The following EFCAB11 variants were observed in gnomAD, a reference collection of about 807,000 sequenced individuals.
EFCAB11 encodes the protein EF-hand calcium binding domain 11.
In EFCAB11, 14 loss-of-function variants were observed where a neutral mutation model predicts 23.0. The observed-to-expected ratio is 0.61, with a 90% CI of 0.40 to 0.95. The LOEUF (loss-of-function observed/expected upper bound fraction) is 0.95, where lower values mean the gene tolerates loss of function less well. Among genes scored for constraint, EFCAB11 ranks in the 40% least tolerant of loss-of-function variants. The pLI is 0.00. For synonymous variants in EFCAB11, 65 were observed against 66.6 expected (o/e 0.98, Z 0.11); for missense variants, 198 against 195.8 (o/e 1.01, Z -0.07).
chr14:89,845,047 CTG>C (rs1887388973), intron 5 of EFCAB11, among the ~76,000 whole-genome samples: 2 of 152,148 alleles, frequency 1.3e-5, no homozygotes. Context: ...GTAAAAAAAT[CTG>C]TTTTGTTGTT....
chr14:89,838,446 AAAAAAAAACC>A (rs1036909730), intron 5 of EFCAB11, among the ~76,000 whole-genome samples: 2 of 151,962 alleles, frequency 1.3e-5, no homozygotes, highest in Non-Finnish European at 2.9e-5. Context: ...TAAAAAGGAA[AAAAAAAAACC>A]AAAAAAACCC....
At position 89,909,971 on chromosome 14, in the gene EFCAB11, C is replaced by T. The variant is rs141316611; in HGVS notation, c.410+21570G>A. The stretch of plus-strand genomic sequence containing the variant: ...TGCCCCCTCCCCAGTCTGCAGCAAG[C>T]GTTCTTCTTCTCCATAGTACTTTGT... On this transcript the variant is annotated intron_variant, in intron 5 of 5. Coordinates refer to ENST00000316738, the MANE Select transcript of EFCAB11 (RefSeq NM_145231.4). Among the ~76,000 whole-genome samples, 30 of 152,200 alleles carry T rather than the reference C, an allele frequency of 2.0e-4. No individual in the cohort carries two copies. In the East Asian group the frequency reaches 5.6e-3, roughly 28 times the overall value.
intron 5 of EFCAB11, among the ~76,000 whole-genome samples, chr14:89,875,108 T>C (rs1382810425): frequency 6.6e-6 from 1 of 152,204 alleles, no homozygotes; most frequent in African/African-American, 2.4e-5. Flanking sequence ...GAATGCCACT[T>C]GTCCCTCTAA....
chr14:89,954,772 C>A (rs1891402622), upstream of EFCAB11: 3 of 1,450,756 alleles, frequency 2.1e-6, no homozygotes, highest in South Asian at 1.3e-5. Flanking sequence ...CCGAACTTCA[C>A]CGCGCAACTC....
In EFCAB11 at chr14:89,795,656, A is replaced by C. The variant is rs1396531075; in HGVS notation, c.*1587T>G. The C allele has an allele frequency of 6.6e-6, 1 of 151,840 alleles. No individual in the cohort carries two copies. The highest frequency in any genetic ancestry group is 1.5e-5 in the Non-Finnish European group (1 of 67,958). The allele number at this position is 151,840 out of a possible 1,614,324, so 9.4% of individuals were successfully genotyped here. On this transcript the variant is annotated 3_prime_UTR_variant, in exon 6 of 6. Transcript: ENST00000316738. ...ACTCCAGCTTAGGTGACAAAGTGAG[A>C]CTCTGTCTCAAAAAAAACCCGCAAA...
chr14:89,890,195 A>C lies in EFCAB11; in HGVS notation c.410+41346T>G, dbSNP rs188256845. On this transcript the variant is annotated intron_variant, in intron 5 of 5. Transcript: ENST00000316738. Reference sequence around the variant, plus strand: ...CATGATTTCTTCTCATAAATAATGAATGCAATAAAAATGTTAAGCTTCAAT... The same window carrying C: ...CATGATTTCTTCTCATAAATAATGACTGCAATAAAAATGTTAAGCTTCAAT... Among the ~76,000 whole-genome samples, 65 of 152,356 alleles carry C rather than the reference A, an allele frequency of 4.3e-4. No homozygotes were observed. In the East Asian group the frequency reaches 0.011, roughly 25 times the overall value.
intron 5 of EFCAB11, among the ~76,000 whole-genome samples, chr14:89,911,772 G>A (rs1889685218): frequency 6.6e-6 from 1 of 152,158 alleles, no homozygotes; most frequent in African/African-American, 2.4e-5. Context: ...TATTCTCTAG[G>A]TCAGAGCACA....
intron 5 of EFCAB11, among the ~76,000 whole-genome samples, chr14:89,879,065 C>T (rs1888526252): frequency 6.6e-6 from 1 of 152,030 alleles, no homozygotes; most frequent in African/African-American, 2.4e-5. Context: ...ACATGATCCC[C>T]CCATCTCCCT....
intron 3 of EFCAB11, among the ~76,000 whole-genome samples, chr14:89,940,348 C>G (rs1348596215): frequency 1.3e-5 from 2 of 152,150 alleles, no homozygotes; most frequent in Non-Finnish European, 2.9e-5. Flanking sequence ...AAAAACCATA[C>G]ACAACAGCAG....
At position 89,908,526 on chromosome 14, in the gene EFCAB11, T is replaced by C. The variant is rs114384186; in HGVS notation, c.410+23015A>G. ...ATTGTATAAAATTACCTTCAGGCTTTGTGTATAAGGTATATATGAAACTTA... is the reference window on the plus strand; with the variant it reads ...ATTGTATAAAATTACCTTCAGGCTTCGTGTATAAGGTATATATGAAACTTA... On this transcript the variant is annotated intron_variant, in intron 5 of 5. Transcript: ENST00000316738. 2.3e-3 allele frequency among the ~76,000 whole-genome samples: 352 copies of C among 152,350 alleles called. 3 individuals are homozygous for C. The highest frequency in any genetic ancestry group is 7.9e-3 in the African/African-American group (329 of 41,588).
intron 5 of EFCAB11, among the ~76,000 whole-genome samples, chr14:89,841,297 A>C (rs1466670512): frequency 6.6e-6 from 1 of 150,696 alleles, no homozygotes; most frequent in African/African-American, 2.4e-5. Flanking sequence ...CATTCTAACA[A>C]TTTCCCCTTC....
chr14:89,836,592 A>T (rs560913761), intron 5 of EFCAB11: 1 of 456,740 alleles, frequency 2.2e-6, no homozygotes, highest in Admixed American at 2.3e-5. Context: ...TAGATGTTCC[A>T]CATGAACCTC....
At chr14:89,875,187 C>T (rs990212325) in intron 5 of EFCAB11, among the ~76,000 whole-genome samples, 5 of 152,110 alleles carry the variant, frequency 3.3e-5, no homozygotes, top group South Asian at 4.2e-4. Flanking sequence ...TGTTCGTTAT[C>T]GGAATTAAAC....
chr14:89,810,197 A>G (rs1461286876), intron 5 of EFCAB11, among the ~76,000 whole-genome samples: 1 of 152,198 alleles, frequency 6.6e-6, no homozygotes, highest in African/African-American at 2.4e-5. Flanking sequence ...GTGGTGTTCA[A>G]TAAGTATCGG....
chr14:89,841,201 G>T (rs1340590714), intron 5 of EFCAB11, among the ~76,000 whole-genome samples: 2 of 152,100 alleles, frequency 1.3e-5, no homozygotes, highest in African/African-American at 4.8e-5. Context: ...CTCATGCCTT[G>T]ATTGGAACTT....
intron 5 of EFCAB11, among the ~76,000 whole-genome samples, chr14:89,822,739 G>C (rs1386548323): frequency 6.6e-6 from 1 of 152,166 alleles, no homozygotes; most frequent in African/African-American, 2.4e-5. Context: ...CTGAGGTTCT[G>C]ACTACTGAGA....
intron 5 of EFCAB11, among the ~76,000 whole-genome samples, chr14:89,861,621 A>C (rs916065963): frequency 3.3e-5 from 5 of 152,150 alleles, no homozygotes; most frequent in African/African-American, 1.2e-4. Flanking sequence ...CATGTGTTGG[A>C]AACTTAATCC....
At chr14:89,808,667 A>C (rs575147721) in intron 5 of EFCAB11, among the ~76,000 whole-genome samples, 1 of 152,328 alleles carries the variant, frequency 6.6e-6, no homozygotes, top group African/African-American at 2.4e-5. Flanking sequence ...GTCTGTGGAC[A>C]ATAATACATG....
intron 5 of EFCAB11, among the ~76,000 whole-genome samples, chr14:89,847,360 T>G (rs898687552): frequency 6.6e-6 from 1 of 152,160 alleles, no homozygotes; most frequent in Non-Finnish European, 1.5e-5. Context: ...AACCTAAGAC[T>G]TGAACCACTG....
Sources: gnomAD v4.1 joint callset for allele counts (sites outside exome capture counted in the v4.1 genomes callset) on GRCh38, gnomAD v4.1.1 for gene constraint, MANE v1.5 for transcripts, NCBI Gene and HGNC (gene_info 2026-07-23, HGNC 2026-07-21) for gene names.